The following CCDC77 variants were observed in gnomAD, a reference collection of about 807,000 sequenced individuals.
CCDC77 encodes the protein coiled-coil domain containing 77, also known as coiled-coil domain-containing protein 77.
A neutral mutation model predicts 66.8 loss-of-function variants in CCDC77; 56 were observed. The observed-to-expected ratio is 0.84, with a 90% CI of 0.68 to 1.05. CCDC77 has a LOEUF of 1.05. CCDC77 is among the 50% of genes least tolerant of loss of function. CCDC77 has a pLI of 0.00. For synonymous variants in CCDC77, 196 were observed against 195.2 expected (o/e 1.00, Z -0.03); for missense variants, 570 against 576.8 (o/e 0.99, Z 0.12).
intron 7 of CCDC77, among the ~76,000 whole-genome samples, 172 bp downstream of exon 7, chr12:430,908 A>G (rs978372441): frequency 2.1e-4 from 32 of 151,962 alleles, no homozygotes; most frequent in African/African-American, 7.3e-4. Flanking sequence ...GCAAAACCCC[A>G]TCTCTACATA....
intron 5 of CCDC77, among the ~76,000 whole-genome samples, chr12:423,110 A>T (rs1174291190): frequency 8.4e-5 from 7 of 83,640 alleles, no homozygotes; most frequent in South Asian, 4.2e-4. Flanking sequence ...TTTTTCTTTT[A>T]AGCCTTTTTT....
intron 1 of CCDC77, among the ~76,000 whole-genome samples, chr12:394,507 T>C (rs903284839): frequency 2.0e-5 from 3 of 152,236 alleles, no homozygotes; most frequent in African/African-American, 7.2e-5. Context: ...GTACCATCCA[T>C]GCAAATGTCA....
intron 1 of CCDC77, among the ~76,000 whole-genome samples, chr12:389,712 C>T (rs536353005): frequency 6.6e-6 from 1 of 152,328 alleles, no homozygotes; most frequent in South Asian, 2.1e-4. Flanking sequence ...CGAAAACACG[C>T]CGGGCTTAAT....
intron 5 of CCDC77, among the ~76,000 whole-genome samples, chr12:419,072 CTG>C (rs1317905007): frequency 6.6e-6 from 1 of 152,148 alleles, no homozygotes; most frequent in Non-Finnish European, 1.5e-5. Context: ...GAAGTGGACT[CTG>C]AGATGGAGAT....
At chr12:423,443 A>C in intron 5 of CCDC77, among the ~76,000 whole-genome samples, 1 of 132,286 alleles carries the variant, frequency 7.6e-6, no homozygotes, top group African/African-American at 2.9e-5. Context: ...CCTGGCCAAC[A>C]CTTGTTATTT....
At chr12:413,986 G>T (rs561901453) in intron 4 of CCDC77, among the ~76,000 whole-genome samples, 21 of 151,630 alleles carry the variant, frequency 1.4e-4, no homozygotes, top group Non-Finnish European at 2.4e-4. Flanking sequence ...AAACCGTGCC[G>T]TCTGCGGTCT....
intron 4 of CCDC77, among the ~76,000 whole-genome samples, chr12:418,100 C>T (rs1056657684): frequency 6.6e-5 from 10 of 152,116 alleles, no homozygotes; most frequent in African/African-American, 2.4e-4. Context: ...GGGTGGATCA[C>T]TTGAGGTCAG....
chr12:435,882 G>A (rs567264197), intron 9 of CCDC77, among the ~76,000 whole-genome samples: 1 of 152,096 alleles, frequency 6.6e-6, no homozygotes, highest in Non-Finnish European at 1.5e-5. Context: ...AGGATTACAG[G>A]TGCATACCAC....
intron 4 of CCDC77, among the ~76,000 whole-genome samples, chr12:416,344 G>GGTGTGT (rs1174833426): frequency 1.6e-4 from 6 of 37,106 alleles, no homozygotes; most frequent in Admixed American, 5.5e-4. Context: ...GGTGTGTGGG[G>GGTGTGT]GTGTGTGTGT....
rs1945795545 is a variant in CCDC77 at position 438,465 on chromosome 12, A to G, written c.952A>G (p.Arg318Gly). 6.2e-7 allele frequency: 1 copy of G among 1,613,878 alleles called. No individual in the cohort carries two copies. The highest frequency in any genetic ancestry group is 1.3e-5 in the African/African-American group (1 of 74,932). ...DNLMSKIKQY[R>G]VQCKKKEDKI... is the part of the protein sequence containing the mutation. ...TTTGATGTCAAAGATTAAGCAATAT[A>G]GGGTGCAGTGTAAGAAGAAAGAAGA... The change falls in exon 10 of 13, where the codon AGG becomes GGG. Residue 318 changes from arginine to glycine, a missense_variant. Arg to Gly is a moderately radical substitution (Grantham distance 125). Coordinates refer to ENST00000239830, the MANE Select transcript of CCDC77 (RefSeq NM_032358.4).
At chr12:440,815 G>T in intron 11 of CCDC77, 29 bp from the exon 12 acceptor site, 1 of 1,613,034 alleles carries the variant, frequency 6.2e-7, no homozygotes, top group South Asian at 1.1e-5. Flanking sequence ...CCTCACCTTC[G>T]TAAATGCCTT....
chr12:439,526 A>G (rs1041344756), intron 10 of CCDC77, among the ~76,000 whole-genome samples: 2 of 151,608 alleles, frequency 1.3e-5, no homozygotes, highest in African/African-American at 4.9e-5. Flanking sequence ...TCTCAAAAAA[A>G]AAAAAGGACT....
At position 441,922 on chromosome 12, in the gene CCDC77, G is replaced by T; in HGVS notation, c.*2G>T. The T allele has an allele frequency of 1.2e-6, 2 of 1,613,824 alleles. No individual in the cohort carries two copies. Among genetic ancestry groups the T allele is most frequent in the Non-Finnish European group, 1.7e-6 (2 of 1,179,904 alleles). On this transcript the variant is annotated 3_prime_UTR_variant, in exon 13 of 13. Transcript: ENST00000239830. The stretch of plus-strand genomic sequence containing the variant: ...GAGAATGAACTTAGACTCTGTTAAT[G>T]TCTACTTTTGGAAATGGCCCCCATT...
chr12:434,036 TAC>T lies in CCDC77; in HGVS notation c.821+721_821+722del, dbSNP rs535402657. Among the ~76,000 whole-genome samples, 20 of 152,274 alleles carry T rather than the reference TAC, an allele frequency of 1.3e-4. No individual in the cohort carries two copies. The East Asian group carries it at 3.9e-3, about 29-fold the overall frequency. On this transcript the variant is annotated intron_variant, in intron 9 of 12. Transcript: ENST00000239830. The stretch of plus-strand genomic sequence containing the variant: ...AGCCCATAAAATTGGATGTTGTGTC[TAC>T]ACACACGCAGGACGTAGAACGTCCT...
upstream of CCDC77, among the ~76,000 whole-genome samples, chr12:400,398 T>C (rs1289778674): frequency 6.6e-6 from 1 of 152,270 alleles, no homozygotes; most frequent in Non-Finnish European, 1.5e-5. Flanking sequence ...TGGCTAACTT[T>C]GGTGCAAGAA....
intron 4 of CCDC77, among the ~76,000 whole-genome samples, chr12:415,438 T>C (rs1293777400): frequency 6.9e-6 from 1 of 144,412 alleles, no homozygotes; most frequent in South Asian, 2.2e-4. Flanking sequence ...ATTAACATAA[T>C]AATATGTTAA....
At chr12:402,453 A>T (rs1467343964) in intron 1 of CCDC77, among the ~76,000 whole-genome samples, 2 of 152,222 alleles carry the variant, frequency 1.3e-5, no homozygotes, top group African/African-American at 4.8e-5. Context: ...TGTACAGACT[A>T]GATTTTGTTA....
intron 1 of CCDC77, chr12:389,581 G>GGGCGAGGCGC (rs1555141796): frequency 3.6e-5 from 10 of 278,474 alleles, no homozygotes; most frequent in Admixed American, 1.0e-4. Flanking sequence ...CAACGAGGCG[G>GGGCGAGGCGC]GGCGAGGCGC....
At chr12:428,974 G>A (rs1294314769) in intron 6 of CCDC77, 109 bp downstream of exon 6, 2 of 628,416 alleles carry the variant, frequency 3.2e-6, no homozygotes, top group Non-Finnish European at 5.5e-6. Flanking sequence ...TGGAGAATTA[G>A]CCATCACAGT....
Sources: allele counts gnomAD v4.1 joint callset (sites outside exome capture counted in the v4.1 genomes callset), GRCh38; gene constraint gnomAD v4.1.1; transcripts MANE v1.5; gene names NCBI Gene and HGNC (gene_info 2026-07-23, HGNC 2026-07-21).